Variants in RFX3 observed in about 807,000 individuals in gnomAD.
The protein encoded by RFX3 is regulatory factor X3.
In RFX3, 14 loss-of-function variants were observed where a neutral mutation model predicts 98.6. The ratio of observed to expected loss-of-function variants is 0.14; its 90% CI spans 0.09 to 0.22. The LOEUF is 0.22. RFX3 is among the 10% of genes least tolerant of loss of function. The pLI is 1.00. For missense variants in RFX3, 639 were observed against 926.9 expected (o/e 0.69, Z 4.03); for synonymous variants, 383 against 328.4 (o/e 1.17, Z -1.80).
At position 3,407,943 on chromosome 9, in the gene RFX3, A is replaced by C. The variant is rs777339997; in HGVS notation, c.-8-12347T>G. On this transcript the variant is annotated intron_variant, in intron 1 of 16. Coordinates refer to ENST00000617270, the MANE Select transcript of RFX3 (RefSeq NM_001282116.2). ...AATTAGGGCTCAGAAAATGTTAAAA[A>C]TCAATGTGCCACAGTGATTTCAGAA... Among the ~76,000 whole-genome samples, 3 of 152,202 alleles carry C rather than the reference A, an allele frequency of 2.0e-5. No individual in the cohort carries two copies. In the East Asian group the frequency reaches 5.8e-4, roughly 29 times the overall value.
chr9:3,219,999 A>C lies in RFX3; in HGVS notation c.*5043T>G, dbSNP rs1817258039. ...AGTGCACGAAGAGATTCCCTTGAAC[A>C]AAATCAGCAATGGTGTAAGCAGACT... On this transcript the variant is annotated 3_prime_UTR_variant, in exon 17 of 17. Coordinates refer to ENST00000617270, the MANE Select transcript of RFX3 (RefSeq NM_001282116.2). The C allele has an allele frequency of 6.6e-6, 1 of 152,238 alleles. No individual in the cohort carries two copies. The highest frequency in any genetic ancestry group is 2.4e-5 in the African/African-American group (1 of 41,466). The allele number at this position is 152,238 out of a possible 1,614,324, so 9.4% of individuals were successfully genotyped here.
intron 5 of RFX3, among the ~76,000 whole-genome samples, chr9:3,300,409 C>T (rs1828507278): frequency 6.6e-6 from 1 of 151,376 alleles, no homozygotes. Context: ...CAAAATACCC[C>T]ATCTAAAAAC....
At chr9:3,255,281 C>A (rs1166226637) in intron 14 of RFX3, among the ~76,000 whole-genome samples, 13 of 152,178 alleles carry the variant, frequency 8.5e-5, no homozygotes, top group Non-Finnish European at 1.9e-4. Flanking sequence ...GTGGTCAAAG[C>A]AATATGGAAA....
At chr9:3,324,644 C>T (rs1486952395) in intron 4 of RFX3, among the ~76,000 whole-genome samples, 1 of 150,532 alleles carries the variant, frequency 6.6e-6, no homozygotes, top group Admixed American at 6.6e-5. Context: ...GAATATTCTG[C>T]TAGAATATTG....
intron 2 of RFX3, among the ~76,000 whole-genome samples, chr9:3,355,229 A>G (rs1486778066): frequency 2.6e-5 from 4 of 151,924 alleles, no homozygotes; most frequent in Admixed American, 6.6e-5. Flanking sequence ...AACCATATCA[A>G]TAATTACCTG....
At chr9:3,246,379 C>G (rs1378118445) in intron 15 of RFX3, among the ~76,000 whole-genome samples, 1 of 152,068 alleles carries the variant, frequency 6.6e-6, no homozygotes, top group Non-Finnish European at 1.5e-5. Context: ...TGCAAGCATA[C>G]CAGGAGGTTG....
intron 1 of RFX3, among the ~76,000 whole-genome samples, chr9:3,516,721 T>G (rs1253101326): frequency 1.3e-5 from 2 of 151,418 alleles, no homozygotes; most frequent in African/African-American, 4.9e-5. Flanking sequence ...TAGCTCGCTT[T>G]CGCACTCTCT....
At chr9:3,429,114 C>T (rs1844397664) in intron 1 of RFX3, among the ~76,000 whole-genome samples, 1 of 151,118 alleles carries the variant, frequency 6.6e-6, no homozygotes, top group South Asian at 2.1e-4. Context: ...GCTCCGCCTC[C>T]CGGGTTCATG....
At chr9:3,456,300 C>A (rs1587730922) in intron 1 of RFX3, among the ~76,000 whole-genome samples, 1 of 152,178 alleles carries the variant, frequency 6.6e-6, no homozygotes, top group East Asian at 1.9e-4. Flanking sequence ...ATATGAATTT[C>A]TTTTAAAACA....
intron 1 of RFX3, among the ~76,000 whole-genome samples, chr9:3,482,882 G>A (rs755597183): frequency 5.3e-5 from 8 of 151,982 alleles, no homozygotes; most frequent in Non-Finnish European, 1.0e-4. Flanking sequence ...AGCATCACTT[G>A]GTATGTCCAC....
At chr9:3,470,992 C>A (rs1848727180) in intron 1 of RFX3, among the ~76,000 whole-genome samples, 1 of 152,212 alleles carries the variant, frequency 6.6e-6, no homozygotes, top group Non-Finnish European at 1.5e-5. Context: ...CCTACCCCAT[C>A]ACTATTTTAC....
At chr9:3,395,694 T>A (rs750875465) in intron 1 of RFX3, 98 bp from the exon 2 acceptor site, 1 of 1,247,424 alleles carries the variant, frequency 8.0e-7, no homozygotes, top group African/African-American at 1.5e-5. Flanking sequence ...AAACTAACTT[T>A]CAACTCTCAT....
intron 1 of RFX3, among the ~76,000 whole-genome samples, chr9:3,505,101 ATTTAT>A (rs1434302910): frequency 1.0e-5 from 1 of 96,184 alleles, no homozygotes; most frequent in Non-Finnish European, 1.8e-5. Flanking sequence ...ATATATTTAG[ATTTAT>A]TTTATATTTT....
intron 14 of RFX3, among the ~76,000 whole-genome samples, chr9:3,251,646 C>T (rs954797681): frequency 1.3e-5 from 2 of 151,586 alleles, no homozygotes; most frequent in Non-Finnish European, 2.9e-5. Context: ...GTATTTACCA[C>T]ATTTTCTAAT....
chr9:3,440,466 G>T lies in RFX3; in HGVS notation c.-8-44870C>A, dbSNP rs554805699. Among the ~76,000 whole-genome samples, 11 of 151,970 alleles carry T rather than the reference G, an allele frequency of 7.2e-5. No individual in the cohort carries two copies. The East Asian group carries it at 1.9e-3, about 27-fold the overall frequency. On this transcript the variant is annotated intron_variant, in intron 1 of 16. Coordinates refer to ENST00000617270, the MANE Select transcript of RFX3 (RefSeq NM_001282116.2). ...TACTAGTTATTAAAACCTAAAAGCTGCAATTAAAAAAATAAATTTATAATA... is the reference window on the plus strand; with the variant it reads ...TACTAGTTATTAAAACCTAAAAGCTTCAATTAAAAAAATAAATTTATAATA...
At chr9:3,514,005 CTAT>C (rs1817897129) in intron 1 of RFX3, among the ~76,000 whole-genome samples, 1 of 152,092 alleles carries the variant, frequency 6.6e-6, no homozygotes, top group South Asian at 2.1e-4. Context: ...TTTTAACCTC[CTAT>C]AATTGGAATG....
chr9:3,469,998 G>A (rs751580745), intron 1 of RFX3, among the ~76,000 whole-genome samples: 19 of 152,060 alleles, frequency 1.2e-4, no homozygotes, highest in Non-Finnish European at 1.9e-4. Context: ...GTAATCCCAA[G>A]TCTCAAATGT....
intron 1 of RFX3, among the ~76,000 whole-genome samples, chr9:3,455,217 T>C (rs567035255): frequency 6.6e-6 from 1 of 152,348 alleles, no homozygotes; most frequent in Admixed American, 6.5e-5. Flanking sequence ...CTGAGTGGCC[T>C]CATTCCTTTC....
intron 5 of RFX3, among the ~76,000 whole-genome samples, chr9:3,298,279 G>T (rs1189176078): frequency 4.6e-5 from 7 of 151,774 alleles, no homozygotes; most frequent in African/African-American, 1.7e-4. Flanking sequence ...AGAAATAATT[G>T]AGTGACCATA....
Sources: allele counts gnomAD v4.1 joint callset (sites outside exome capture counted in the v4.1 genomes callset), GRCh38; gene constraint gnomAD v4.1.1; transcripts MANE v1.5; gene names NCBI Gene and HGNC (gene_info 2026-07-23, HGNC 2026-07-21).